SUV39H2: variants seen among roughly 807,000 people sequenced by gnomAD.
The protein encoded by SUV39H2 is SUV39H2 histone lysine methyltransferase.
Under a neutral mutation model 47.5 loss-of-function variants are expected in SUV39H2, and 10 were observed. The ratio of observed to expected loss-of-function variants is 0.21; its 90% CI spans 0.13 to 0.36. The LOEUF is 0.36. Among genes scored for constraint, SUV39H2 ranks in the 10% least tolerant of loss-of-function variants. The pLI is 1.00. For missense variants in SUV39H2, 266 were observed against 487.4 expected (o/e 0.55, Z 4.28); for synonymous variants, 159 against 166.8 (o/e 0.95, Z 0.36).
chr10:14,897,580 C>G (rs188438390), intron 3 of SUV39H2, 63 bp downstream of exon 3: 4 of 1,341,792 alleles, frequency 3.0e-6, no homozygotes, highest in Non-Finnish European at 3.9e-6. Flanking sequence ...TGGAAAATTA[C>G]CTTTTTATCT....
At chr10:14,891,432 C>T (rs1833385709) in intron 2 of SUV39H2, among the ~76,000 whole-genome samples, 1 of 152,064 alleles carries the variant, frequency 6.6e-6, no homozygotes, top group Non-Finnish European at 1.5e-5. Context: ...AGCAAAATAA[C>T]AACAGGATAA....
Position 14,894,364 on chromosome 10 carries a change from T to G in SUV39H2, c.178-2482T>G, listed in dbSNP as rs1330982438. On this transcript the variant is annotated intron_variant, in intron 2 of 5. Coordinates refer to ENST00000354919, the MANE Select transcript of SUV39H2 (RefSeq NM_001193424.2). ...TTCAAAAGAAAGCAAAGTTTTTTTT[T>G]TTTTTTTTTTTTTTTTTTTTTGAGA... Among the ~76,000 whole-genome samples the G allele has an allele frequency of 4.2e-4, 33 of 78,396 alleles. 9 individuals are homozygous for G. The highest frequency in any genetic ancestry group is 6.7e-4 in the Non-Finnish European group (29 of 43,328). The allele number at this position is 78,396 out of a possible 152,430, so 51.4% of individuals were successfully genotyped here. A position where few individuals can be genotyped will look rare whatever the true frequency, so the allele number is the denominator to read the frequency against.
At chr10:14,889,112 A>G (rs945375298) in intron 2 of SUV39H2, among the ~76,000 whole-genome samples, 32 of 152,298 alleles carry the variant, frequency 2.1e-4, no homozygotes, top group Admixed American at 8.5e-4. Context: ...TCAAAAAAAA[A>G]AAAAAAATTA....
chr10:14,891,512 G>T (rs761779465), intron 2 of SUV39H2, among the ~76,000 whole-genome samples: 1 of 152,228 alleles, frequency 6.6e-6, no homozygotes, highest in Non-Finnish European at 1.5e-5. Flanking sequence ...GTTTGAAGCT[G>T]TAAGTCTGGA....
Position 14,895,105 on chromosome 10 carries a change from A to T in SUV39H2, c.178-1741A>T, listed in dbSNP as rs562256241. Among the ~76,000 whole-genome samples, 5 of 152,244 alleles carry T rather than the reference A, an allele frequency of 3.3e-5. No homozygotes were observed. The South Asian group carries it at 6.2e-4, about 19-fold the overall frequency. On this transcript the variant is annotated intron_variant, in intron 2 of 5. Transcript: ENST00000354919. The stretch of plus-strand genomic sequence containing the variant: ...CTATATATTATTCCAGAAGAAAAAA[A>T]AAATTACTGAGACTTTACTTCAAAA...
intron 1 of SUV39H2, among the ~76,000 whole-genome samples, chr10:14,880,799 A>C (rs1460796866): frequency 6.6e-6 from 1 of 152,192 alleles, no homozygotes; most frequent in Non-Finnish European, 1.5e-5. Flanking sequence ...ACCGTTTTAA[A>C]AGTTTGGCTT....
chr10:14,881,456 G>T, intron 1 of SUV39H2, 44 bp from the exon 2 acceptor site: 1 of 1,365,120 alleles, frequency 7.3e-7, no homozygotes, highest in South Asian at 2.0e-5. Context: ...TGTTTTAATT[G>T]AATAGCTATT....
At chr10:14,886,248 C>T (rs371009384) in intron 2 of SUV39H2, among the ~76,000 whole-genome samples, 3 of 152,274 alleles carry the variant, frequency 2.0e-5, no homozygotes. Context: ...ACTACCATTT[C>T]TCTTCCCTGG....
chr10:14,899,361 C>A (rs1342385457), intron 3 of SUV39H2, 178 bp from the exon 4 acceptor site: 2 of 705,374 alleles, frequency 2.8e-6, no homozygotes, highest in Non-Finnish European at 2.5e-6. Flanking sequence ...CATTTTTCTT[C>A]CCCTCATTTT....
In SUV39H2 at chr10:14,878,901, G is replaced by A. The variant is rs777245168; in HGVS notation, c.13G>A (p.Gly5Arg). 7 of 1,483,364 alleles carry A rather than the reference G, an allele frequency of 4.7e-6. No individual in the cohort carries two copies. Among genetic ancestry groups the A allele is most frequent in the African/African-American group, 1.5e-5 (1 of 68,880 alleles). The allele number at this position is 1,483,364 out of a possible 1,614,324, so 91.9% of individuals were successfully genotyped here. MAAV[G>R]AEARGAWCVP... ...AAAGCTCTACAAGATGGCGGCGGTC[G>A]GGGCCGAGGCGCGAGGAGGTGAGGC... The change falls in exon 1 of 6, where the codon GGG becomes AGG. Residue 5 changes from glycine (G) to arginine (R), a missense_variant. Gly to Arg is a moderately radical substitution (Grantham distance 125). Coordinates refer to ENST00000354919, the MANE Select transcript of SUV39H2 (RefSeq NM_001193424.2).
intron 2 of SUV39H2, among the ~76,000 whole-genome samples, chr10:14,894,646 CGTG>C: frequency 3.5e-5 from 2 of 57,516 alleles, no homozygotes; most frequent in Non-Finnish European, 2.9e-5. Context: ...GGATTACAGG[CGTG>C]AGCCACCGCG....
intron 2 of SUV39H2, among the ~76,000 whole-genome samples, chr10:14,890,902 T>A (rs569735099): frequency 1.3e-5 from 2 of 152,278 alleles, no homozygotes; most frequent in South Asian, 4.1e-4. Flanking sequence ...ACTCATACAG[T>A]TATTGTTGTG....
intron 2 of SUV39H2, among the ~76,000 whole-genome samples, chr10:14,883,382 A>G (rs74627034): frequency 0.015 from 2,282 of 152,096 alleles, 39 homozygotes; most frequent in Middle Eastern, 0.034. Context: ...ACATGCTATC[A>G]TACAGCTCAC....
chr10:14,894,362 T>TG (rs1833493283), intron 2 of SUV39H2, among the ~76,000 whole-genome samples: 1 of 49,932 alleles, frequency 2.0e-5, no homozygotes, highest in African/African-American at 2.4e-4. Context: ...AAAGTTTTTT[T>TG]TTTTTTTTTT....
chr10:14,894,238 T>C (rs75104874), intron 2 of SUV39H2, among the ~76,000 whole-genome samples: 2 of 150,290 alleles, frequency 1.3e-5, no homozygotes, highest in Non-Finnish European at 3.0e-5. Context: ...TTTTTTTTTT[T>C]CCTGGAACCG....
At chr10:14,901,334 C>G in intron 5 of SUV39H2, 72 bp downstream of exon 5, 1 of 1,582,986 alleles carries the variant, frequency 6.3e-7, no homozygotes, top group Non-Finnish European at 8.6e-7. Flanking sequence ...AGGAACAGAC[C>G]TTAGATATTT....
intron 2 of SUV39H2, among the ~76,000 whole-genome samples, chr10:14,885,391 C>G (rs1276159321): frequency 2.0e-5 from 3 of 152,314 alleles, no homozygotes; most frequent in South Asian, 2.1e-4. Context: ...TTTTTACTCT[C>G]TAAATCTAAT....
Position 14,902,842 on chromosome 10 carries a change from AT to A in SUV39H2, c.*332del, listed in dbSNP as rs756453844. 2.5e-4 allele frequency: 40 copies of A among 160,598 alleles called. No homozygotes were observed. Among genetic ancestry groups the A allele is most frequent in the Non-Finnish European group, 4.8e-4 (35 of 73,286 alleles). 9.9% of individuals were successfully genotyped at this position (160,598 alleles called of 1,614,324 possible). ...TTGAAAGCGTTAAGCTGATAATGTA[AT>A]TAACAACTGCTGAGAGATCAAAGAT... is the stretch of plus-strand genomic sequence containing the variant. On this transcript the variant is annotated 3_prime_UTR_variant, in exon 6 of 6. Transcript: ENST00000354919.
At chr10:14,895,283 TCTC>T (rs1281755637) in intron 2 of SUV39H2, among the ~76,000 whole-genome samples, 1 of 151,946 alleles carries the variant, frequency 6.6e-6, no homozygotes, top group East Asian at 1.9e-4. Flanking sequence ...TTCAGGCGAT[TCTC>T]CTGCCTCAGC....
Sources: gnomAD v4.1 joint callset for allele counts (sites outside exome capture counted in the v4.1 genomes callset) on GRCh38, gnomAD v4.1.1 for gene constraint, MANE v1.5 for transcripts, NCBI Gene and HGNC (gene_info 2026-07-23, HGNC 2026-07-21) for gene names.